DPP9: variants seen among roughly 807,000 people sequenced by gnomAD.
DPP9 encodes the protein dipeptidyl peptidase 9, also known as dipeptidyl peptidase IV-related protein-2.
In DPP9, 50 loss-of-function variants were observed where a neutral mutation model predicts 110.7. The observed-to-expected ratio is 0.45, with a 90% CI of 0.36 to 0.57. The LOEUF is 0.57. Ranked by LOEUF, DPP9 falls within the 20% of genes least tolerant of loss-of-function variation. DPP9 has a pLI of 0.00. For missense variants in DPP9, 1,022 were observed against 1,217.9 expected (o/e 0.84, Z 2.39); for synonymous variants, 561 against 514.4 (o/e 1.09, Z -1.23).
At position 4,693,093 on chromosome 19, in the gene DPP9, G is replaced by A. The variant is rs1168000787; in HGVS notation, c.1516+1568C>T. ...GTGGGCTCTGCCCCCAGAGGGCACC[G>A]GACCACATCTAGGGACATCTGTGGT... On this transcript the variant is annotated intron_variant, in intron 13 of 21. Transcript: ENST00000262960. The surrounding 1 kb of genome is among the most constrained non-coding windows in gnomAD (Gnocchi z 5.0). Among the ~76,000 whole-genome samples the A allele has an allele frequency of 6.6e-6, 1 of 152,138 alleles. No homozygotes were observed. Among genetic ancestry groups the A allele is most frequent in the Non-Finnish European group, 1.5e-5 (1 of 68,012 alleles).
At chr19:4,721,015 G>C (rs1419138014) in intron 2 of DPP9, among the ~76,000 whole-genome samples, 1 of 152,098 alleles carries the variant, frequency 6.6e-6, no homozygotes, top group African/African-American at 2.4e-5. Flanking sequence ...CAGTCTCTTG[G>C]GGATCCATGG....
chr19:4,681,318 T>C (rs1297399850), intron 20 of DPP9, among the ~76,000 whole-genome samples: 1 of 152,102 alleles, frequency 6.6e-6, no homozygotes, highest in East Asian at 1.9e-4. Flanking sequence ...TTCACCACAA[T>C]AAATTATTAT....
chr19:4,695,473 C>T lies in DPP9; in HGVS notation c.1258G>A (p.Glu420Lys). ...LPPALFIPST[E>K]NEEQRLASAR... is the part of the protein sequence containing the mutation. ...GAGGCTAGCCGCTGCTCCTCATTCT[C>T]TGTGCTCGGGATGAACAGGGCCGGG... The change falls in exon 12 of 22, where the codon GAG (glutamate) becomes AAG (lysine). Residue 420 changes from glutamate (E) to lysine (K), a missense_variant. Transcript: ENST00000262960. This position sits in a 1 kb window ranked among gnomAD's most constrained non-coding sequence, Gnocchi z 4.7. 6.3e-7 allele frequency: 1 copy of T among 1,582,310 alleles called. No homozygotes were observed.
chr19:4,691,332 C>T lies in DPP9; in HGVS notation c.1517-375G>A, dbSNP rs545117229. On this transcript the variant is annotated intron_variant, in intron 13 of 21. Transcript: ENST00000262960. Reference sequence around the variant, plus strand: ...CTCCAAAAAAAAAAGAAAAATTAGCCAGGCGTGGTGGCGTGTGCCTGTGGT... The same window carrying T: ...CTCCAAAAAAAAAAGAAAAATTAGCTAGGCGTGGTGGCGTGTGCCTGTGGT... Among the ~76,000 whole-genome samples the T allele has an allele frequency of 2.0e-5, 3 of 152,092 alleles. No individual in the cohort carries two copies. In the East Asian group the frequency reaches 5.8e-4, roughly 29 times the overall value.
In DPP9 at chr19:4,695,336, C is replaced by G; in HGVS notation, c.1353+42G>C. On this transcript the variant is annotated intron_variant, in intron 12 of 21. Coordinates refer to ENST00000262960, the MANE Select transcript of DPP9 (RefSeq NM_139159.5). The surrounding 1 kb of genome is among the most constrained non-coding windows in gnomAD (Gnocchi z 4.7). ...CGTGGGGGTGGGGACAGTGTGACTC[C>G]AGGGCCCAGGCGGGCATACAGCCAG... 2 of 1,517,934 alleles carry G rather than the reference C, an allele frequency of 1.3e-6. No individual in the cohort carries two copies. The highest frequency in any genetic ancestry group is 1.4e-5 in the African/African-American group (1 of 71,812). The allele number at this position is 1,517,934 out of a possible 1,614,324, so 94.0% of individuals were successfully genotyped here.
In DPP9 at chr19:4,695,571, CG is replaced by C; in HGVS notation, c.1176-17del. ...GGCCCAGGCGCTAAGGGGGAAGATG[CG>C]GGGGAAGATGAGAGGGAAGCTGGGA... is the stretch of plus-strand genomic sequence containing the variant. On this transcript the variant is annotated splice_polypyrimidine_tract_variant and intron_variant, in intron 11 of 21. Transcript: ENST00000262960. This position sits in a 1 kb window ranked among gnomAD's most constrained non-coding sequence, Gnocchi z 4.7. 6.9e-7 allele frequency: 1 copy of C among 1,440,872 alleles called. No homozygotes were observed. Among genetic ancestry groups the C allele is most frequent in the African/African-American group, 1.5e-5 (1 of 67,930 alleles). The allele number at this position is 1,440,872 out of a possible 1,614,324, so 89.3% of individuals were successfully genotyped here. A position where few individuals can be genotyped will look rare whatever the true frequency, so the allele number is the denominator to read the frequency against.
intron 20 of DPP9, among the ~76,000 whole-genome samples, chr19:4,680,199 T>TG (rs151087492): frequency 0.052 from 7,349 of 142,018 alleles, 479 homozygotes; most frequent in African/African-American, 0.16. Flanking sequence ...ATCGCGCCAC[T>TG]CACTCCAGCC....
intron 13 of DPP9, among the ~76,000 whole-genome samples, chr19:4,692,299 G>A (rs1047612617): frequency 6.6e-6 from 1 of 152,092 alleles, no homozygotes; most frequent in Admixed American, 6.6e-5. Context: ...TGTAACTGAG[G>A]GCTCACTGTC....
rs1191723338 is a variant in DPP9 at position 4,685,674 on chromosome 19, C to T, written c.1983G>A (p.Gln661=). 5.6e-6 allele frequency: 9 copies of T among 1,612,880 alleles called. No individual in the cohort carries two copies. Among genetic ancestry groups the T allele is most frequent in the Non-Finnish European group, 7.6e-6 (9 of 1,179,630 alleles). Residue 661 remains glutamine (Q), a synonymous_variant, in exon 17 of 22, where the codon CAG becomes CAA. Transcript: ENST00000262960. This position sits in a 1 kb window ranked among gnomAD's most constrained non-coding sequence, Gnocchi z 5.8. ...YGMIYKPHAL[Q]PGKKHPTVLF... ...GGACGGTGGGGTGCTTCTTCCCTGG[C>T]TGCAAGGCGTGGGGCTTGTAGATCA...
In DPP9 at chr19:4,704,399, G is replaced by A. The variant is rs987969805; in HGVS notation, c.427-95C>T. On this transcript the variant is annotated intron_variant, in intron 5 of 21. Transcript: ENST00000262960. This position sits in a 1 kb window ranked among gnomAD's most constrained non-coding sequence, Gnocchi z 6.0. The stretch of plus-strand genomic sequence containing the variant: ...ATCCTCGGGCTGGGGCATTCCCAGG[G>A]AATCTGACTTCGGGCCTCGCCAGAG... The A allele has an allele frequency of 4.1e-6, 6 of 1,449,098 alleles. No individual in the cohort carries two copies. In the African/African-American group the frequency reaches 8.4e-5, roughly 20 times the overall value. The allele number at this position is 1,449,098 out of a possible 1,614,324, so 89.8% of individuals were successfully genotyped here. A position where few individuals can be genotyped will look rare whatever the true frequency, so the allele number is the denominator to read the frequency against.
At chr19:4,720,183 A>G (rs2093259620) in intron 2 of DPP9, among the ~76,000 whole-genome samples, 1 of 152,206 alleles carries the variant, frequency 6.6e-6, no homozygotes, top group South Asian at 2.1e-4. Context: ...TTCAAGGTGT[A>G]AAGTCCCTGG....
At position 4,694,441 on chromosome 19, in the gene DPP9, G is replaced by A. The variant is rs1007284925; in HGVS notation, c.1516+220C>T. 4 of 619,270 alleles carry A rather than the reference G, an allele frequency of 6.5e-6. No individual in the cohort carries two copies. The highest frequency in any genetic ancestry group is 1.1e-5 in the Non-Finnish European group (4 of 360,198). 38.4% of individuals were successfully genotyped at this position (619,270 alleles called of 1,614,324 possible). Reference sequence around the variant, plus strand: ...TGTGCTAAGGGCCTGGCACAGGGGAGGTGCTCAGTAAATCTGCTGCCTGAA... The same window carrying A: ...TGTGCTAAGGGCCTGGCACAGGGGAAGTGCTCAGTAAATCTGCTGCCTGAA... On this transcript the variant is annotated intron_variant, in intron 13 of 21. Transcript: ENST00000262960. This position sits in a 1 kb window ranked among gnomAD's most constrained non-coding sequence, Gnocchi z 4.0.
At position 4,704,188 on chromosome 19, in the gene DPP9, G is replaced by C. The variant is rs1052594784; in HGVS notation, c.543C>G (p.Leu181=). 3 of 1,614,048 alleles carry C rather than the reference G, an allele frequency of 1.9e-6. No individual in the cohort carries two copies. The highest frequency in any genetic ancestry group is 2.2e-5 in the East Asian group (1 of 44,882). The change falls in exon 6 of 22, where the codon CTC becomes CTG. Residue 181 remains leucine (L), a synonymous_variant. Coordinates refer to ENST00000262960, the MANE Select transcript of DPP9 (RefSeq NM_139159.5). The surrounding 1 kb of genome is among the most constrained non-coding windows in gnomAD (Gnocchi z 6.0). ...YDFHSESGLF[L]FQASNSLFHC... ...GGAAGAGGCTGTTGCTGGCCTGGAA[G>C]AGGAAGAGGCCACTCTCGCTGTGGA...
intron 3 of DPP9, among the ~76,000 whole-genome samples, chr19:4,717,412 T>C (rs2093130405): frequency 6.6e-6 from 1 of 152,094 alleles, no homozygotes; most frequent in Non-Finnish European, 1.5e-5. Context: ...CCCAGAAAAC[T>C]GAGCCCGGGG....
chr19:4,703,843 C>T (rs765225628), intron 7 of DPP9, 43 bp downstream of exon 7: 3 of 1,563,710 alleles, frequency 1.9e-6, no homozygotes, highest in Admixed American at 3.8e-5. Context: ...TGGAAGCTGG[C>T]CAGGTGGCTA....
chr19:4,718,270 G>T lies in DPP9; in HGVS notation c.56+1581C>A, dbSNP rs551524398. Among the ~76,000 whole-genome samples the T allele has an allele frequency of 3.3e-5, 5 of 152,150 alleles. No individual in the cohort carries two copies. Among genetic ancestry groups the T allele is most frequent in the African/African-American group, 1.2e-4 (5 of 41,446 alleles). On this transcript the variant is annotated intron_variant, in intron 3 of 21. Coordinates refer to ENST00000262960, the MANE Select transcript of DPP9 (RefSeq NM_139159.5). This position sits in a 1 kb window ranked among gnomAD's most constrained non-coding sequence, Gnocchi z 4.3. ...CTGAGCTGGTGCTTTGGTGGCGAGC[G>T]GGGGCGGGGGAGTAGTTGGAGATGG... is the stretch of plus-strand genomic sequence containing the variant.
At chr19:4,721,255 C>G (rs2093310254) in intron 2 of DPP9, among the ~76,000 whole-genome samples, 1 of 152,230 alleles carries the variant, frequency 6.6e-6, no homozygotes, top group African/African-American at 2.4e-5. Flanking sequence ...TAAGGGGGCA[C>G]TCCTCACGGG....
chr19:4,683,747 G>T, intron 18 of DPP9, 118 bp from the exon 19 acceptor site: 1 of 1,599,746 alleles, frequency 6.3e-7, no homozygotes. Context: ...TGGCTCGCTG[G>T]AAGCCCCCTG....
At position 4,704,006 on chromosome 19, in the gene DPP9, G is replaced by A. The variant is rs2092446032; in HGVS notation, c.649C>T (p.Arg217Trp). 3 of 1,614,044 alleles carry A rather than the reference G, an allele frequency of 1.9e-6. No homozygotes were observed. The highest frequency in any genetic ancestry group is 2.5e-6 in the Non-Finnish European group (3 of 1,179,890). Residue 217 changes from arginine to tryptophan, a missense_variant, in exon 7 of 22, where the codon CGG (arginine) becomes TGG (tryptophan). Around this residue, in one of 3 missense-constraint regions of DPP9, gnomAD observed 810 missense variants for 920.6 expected, o/e 0.88. Transcript: ENST00000262960. The surrounding 1 kb of genome is among the most constrained non-coding windows in gnomAD (Gnocchi z 6.0). ...GCAGGGCAGATTTTGGGGTCCATCC[G>A]GGGCCCTGAGCACTGGGTCTTGATT... Reference protein sequence around the residue: ...LEIKTQCSGPRMDPKICPADP... With the variant: ...LEIKTQCSGPWMDPKICPADP...
Sources: allele counts gnomAD v4.1 joint callset (sites outside exome capture counted in the v4.1 genomes callset), GRCh38; gene constraint gnomAD v4.1.1; regional missense constraint gnomAD v4.1.1; non-coding constraint Gnocchi (gnomAD v3.1); transcripts MANE v1.5; gene names NCBI Gene and HGNC (gene_info 2026-07-23, HGNC 2026-07-21).